VCF1: variants seen among roughly 807,000 people sequenced by gnomAD.
VCF1 encodes VCP nuclear cofactor family member 1, also known as protein VCF1.
At chr17:73,232,182 C>T in the VCF1 span, 3 of 1,609,100 alleles carry the variant, frequency 1.9e-6, no homozygotes, top group Non-Finnish European at 2.5e-6. Flanking sequence ...GTTTCGGCGG[C>T]CGCCACGCCC....
the VCF1 span, among the ~76,000 whole-genome samples, chr17:73,216,880 C>T: frequency 2.6e-5 from 4 of 152,150 alleles, no homozygotes; most frequent in Non-Finnish European, 5.9e-5. Flanking sequence ...CACTTATACC[C>T]ATGGCAGAAA....
the VCF1 span, chr17:73,232,241 T>C: frequency 5.6e-6 from 9 of 1,611,720 alleles, no homozygotes; most frequent in African/African-American, 8.0e-5. Flanking sequence ...ACGCAGCCGG[T>C]GGCGAGTACC....
chr17:73,229,385 A>G, the VCF1 span: 1 of 985,350 alleles, frequency 1.0e-6, no homozygotes, highest in Admixed American at 6.1e-5. Flanking sequence ...TTTGGCATTA[A>G]TGCCACAGAC....
the VCF1 span, among the ~76,000 whole-genome samples, chr17:73,211,297 C>T: frequency 2.0e-5 from 3 of 151,696 alleles, no homozygotes; most frequent in Non-Finnish European, 4.4e-5. Context: ...GCCAACATGG[C>T]AAAACCCCCA....
the VCF1 span, chr17:73,212,731 C>T: frequency 4.4e-6 from 7 of 1,587,208 alleles, no homozygotes; most frequent in Middle Eastern, 1.7e-4. Flanking sequence ...TTTCTCATTA[C>T]AGGTACTGTC....
the VCF1 span, among the ~76,000 whole-genome samples, chr17:73,220,668 C>G: frequency 6.6e-6 from 1 of 150,850 alleles, no homozygotes; most frequent in African/African-American, 2.5e-5. Flanking sequence ...TGGTGTCAAA[C>G]TCCTGACCTC....
the VCF1 span, chr17:73,207,931 GT>G: frequency 8.5e-7 from 1 of 1,183,270 alleles, no homozygotes; most frequent in African/African-American, 1.6e-5. Context: ...GGAGATGGTA[GT>G]TTAAAAAAAA....
the VCF1 span, among the ~76,000 whole-genome samples, chr17:73,225,648 T>C: frequency 5.3e-5 from 8 of 151,692 alleles, no homozygotes; most frequent in African/African-American, 1.7e-4. Context: ...GCCAACACCA[T>C]AGAAGTAATC....
chr17:73,209,348 T>C, the VCF1 span: 1 of 804,770 alleles, frequency 1.2e-6, no homozygotes, highest in African/African-American at 1.7e-5. Flanking sequence ...CCCTTTGAAA[T>C]TGCAATAGTG....
the VCF1 span, among the ~76,000 whole-genome samples, chr17:73,221,626 C>A: frequency 6.6e-6 from 1 of 152,118 alleles, no homozygotes; most frequent in East Asian, 1.9e-4. Flanking sequence ...TGGTGGCTCA[C>A]ACCTGTAATC....
At chr17:73,212,796 A>C in the VCF1 span, 1 of 1,318,968 alleles carries the variant, frequency 7.6e-7, no homozygotes, top group Non-Finnish European at 1.1e-6. Flanking sequence ...TTTTCATCTC[A>C]AATTATATCT....
At chr17:73,222,051 A>C in the VCF1 span, among the ~76,000 whole-genome samples, 1 of 150,576 alleles carries the variant, frequency 6.6e-6, no homozygotes, top group Non-Finnish European at 1.5e-5. Flanking sequence ...AAAAAAAAAA[A>C]AAAAAACTAG....
the VCF1 span, among the ~76,000 whole-genome samples, chr17:73,223,766 G>C: frequency 6.6e-6 from 1 of 152,126 alleles, no homozygotes; most frequent in South Asian, 2.1e-4. Context: ...GAGGGTCAGA[G>C]GCCAGGAGTT....
chr17:73,216,439 G>C, the VCF1 span, among the ~76,000 whole-genome samples: 1 of 152,198 alleles, frequency 6.6e-6, no homozygotes, highest in Non-Finnish European at 1.5e-5. Flanking sequence ...AGGCCGATGA[G>C]AAAGTCCCAG....
the VCF1 span, chr17:73,209,009 C>G: frequency 4.8e-6 from 1 of 209,184 alleles, no homozygotes; most frequent in Non-Finnish European, 9.7e-6. Flanking sequence ...AGAGTACTTT[C>G]AATAGAACAT....
At chr17:73,216,810 C>G in the VCF1 span, among the ~76,000 whole-genome samples, 10,280 of 152,198 alleles carry the variant, frequency 0.068, 711 homozygotes, top group African/African-American at 0.17. Context: ...TCTGGTCTCT[C>G]AGCCAGGCCT....
the VCF1 span, among the ~76,000 whole-genome samples, chr17:73,221,764 G>A: frequency 6.6e-6 from 1 of 151,918 alleles, no homozygotes; most frequent in Admixed American, 6.6e-5. Context: ...GGCCGGGCGC[G>A]GTGGCTCACG....
chr17:73,227,940 G>A, the VCF1 span, among the ~76,000 whole-genome samples: 1 of 152,208 alleles, frequency 6.6e-6, no homozygotes, highest in Non-Finnish European at 1.5e-5. Context: ...CTGTCAAAAC[G>A]ATTTCTGAAC....
At chr17:73,229,212 G>C in the VCF1 span, 8 of 985,448 alleles carry the variant, frequency 8.1e-6, no homozygotes, top group Non-Finnish European at 9.6e-6. Context: ...CCTCTGGATG[G>C]TACCAGATTA....
Sources: allele counts gnomAD v4.1 joint callset (sites outside exome capture counted in the v4.1 genomes callset), GRCh38; gene constraint gnomAD v4.1.1; transcripts MANE v1.5; gene names NCBI Gene and HGNC (gene_info 2026-07-23, HGNC 2026-07-21).